The following IL17F variants were observed in gnomAD, a reference collection of about 807,000 sequenced individuals.
The protein encoded by IL17F is interleukin-17F.
Under a neutral mutation model 8.3 loss-of-function variants are expected in IL17F, and 6 were observed. The ratio of observed to expected loss-of-function variants is 0.73; its 90% confidence interval spans 0.40 to 1.43. The LOEUF (loss-of-function observed/expected upper bound fraction) is 1.43. IL17F is among the 40% of genes most tolerant of loss of function. The probability of loss-of-function intolerance (pLI) is 0.02; values close to 1 mark genes in which losing one functional copy is unlikely to be tolerated. For missense variants in IL17F, 204 were observed against 209.6 expected, an observed-to-expected ratio of 0.97 and a Z score of 0.17; for synonymous variants, 98 against 81.6, an observed-to-expected ratio of 1.20 and a Z score of -1.08.
At chr6:52,237,262 A>T in intron 2 of IL17F, 94 bp from the exon 3 acceptor site, 2 of 949,692 alleles carry the variant, frequency 2.1e-6, no homozygotes, top group Non-Finnish European at 3.3e-6. Flanking sequence ...ACCTGCAGGG[A>T]GGCAGTTCTG....
At chr6:52,243,459 T>C (rs1186704105) in intron 1 of IL17F, among the ~76,000 whole-genome samples, 2 of 152,178 alleles carry the variant, frequency 1.3e-5, no homozygotes, top group Non-Finnish European at 2.9e-5. Flanking sequence ...TTCCCTTCTC[T>C]AGGAGCTGTC....
In IL17F at chr6:52,237,119, A is replaced by G; in HGVS notation, c.304T>C (p.Cys102Arg). 2 of 1,614,190 alleles carry G rather than the reference A, an allele frequency of 1.2e-6. No individual in the cohort carries two copies. The highest frequency in any genetic ancestry group is 1.1e-5 in the South Asian group (1 of 91,076). ...GCATTGATGCAGCCCAAGTTCCTAC[A>G]CTGGGCCTGTACAACTTCCGAGGGG... ...RYPSEVVQAQ[C>R]RNLGCINAQG... The change falls in exon 3 of 3, where the codon TGT becomes CGT. Residue 102 changes from cysteine to arginine, a missense_variant. Transcript: ENST00000336123.
chr6:52,243,549 G>A (rs1419983879), intron 1 of IL17F, among the ~76,000 whole-genome samples: 2 of 152,124 alleles, frequency 1.3e-5, no homozygotes, highest in Non-Finnish European at 2.9e-5. Context: ...ACCTCTTGAG[G>A]CCCCAGTTTC....
In IL17F at chr6:52,238,936, C is replaced by T; in HGVS notation, c.48G>A (p.Leu16=). 1.2e-6 allele frequency: 2 copies of T among 1,613,246 alleles called. No homozygotes were observed. Among genetic ancestry groups the T allele is most frequent in the Non-Finnish European group, 1.7e-6 (2 of 1,179,842 alleles). Residue 16 remains leucine, a synonymous_variant, in exon 2 of 3, where the codon CTG becomes CTA. Coordinates refer to ENST00000336123, the MANE Select transcript of IL17F (RefSeq NM_052872.4). ...LHGPAMVKYL[L]LSILGLAFLS... ...GAAAGGCAAGCCCCAATATCGACAGCAGCAAGTACTTGACCTGGAAAATAG... is the reference window on the plus strand; with the variant it reads ...GAAAGGCAAGCCCCAATATCGACAGTAGCAAGTACTTGACCTGGAAAATAG...
chr6:52,239,614 G>T (rs1448976157), intron 1 of IL17F, among the ~76,000 whole-genome samples: 2 of 152,028 alleles, frequency 1.3e-5, no homozygotes, highest in Non-Finnish European at 1.5e-5. Flanking sequence ...TGATCATCTA[G>T]CACTCAAGCA....
At chr6:52,241,108 T>C (rs1385696828) in intron 1 of IL17F, among the ~76,000 whole-genome samples, 1 of 150,854 alleles carries the variant, frequency 6.6e-6, no homozygotes, top group Non-Finnish European at 1.5e-5. Context: ...TGATGGAGTC[T>C]CACTCTGTCG....
At chr6:52,237,209 G>T in intron 2 of IL17F, 41 bp from the exon 3 acceptor site, 1 of 1,499,520 alleles carries the variant, frequency 6.7e-7, no homozygotes, top group Non-Finnish European at 9.3e-7. Flanking sequence ...TGAGGCATGG[G>T]GGAGGAAGAC....
rs780259967 is a variant in IL17F at position 52,237,043 on chromosome 6, G to A, written c.380C>T (p.Thr127Ile). The A allele has an allele frequency of 4.3e-6, 7 of 1,614,244 alleles. No individual in the cohort carries two copies. The highest frequency in any genetic ancestry group is 1.1e-5 in the South Asian group (1 of 91,086). The change falls in exon 3 of 3, where the codon ACC becomes ATC. Residue 127 changes from threonine (T) to isoleucine (I), a missense_variant. By Grantham distance (89) the Thr-to-Ile change is moderately conservative. Transcript: ENST00000336123. ...SMNSVPIQQETLVVRRKHQGC... is the reference protein window; with the variant it reads ...SMNSVPIQQEILVVRRKHQGC... Reference sequence around the variant, plus strand: ...TTGGTGCTTCCTCCGGACGACCAGGGTCTCTTGCTGGATGGGAACGGAATT... The same window carrying A: ...TTGGTGCTTCCTCCGGACGACCAGGATCTCTTGCTGGATGGGAACGGAATT...
intron 1 of IL17F, 200 bp from the exon 2 acceptor site, chr6:52,239,150 T>A (rs1764024762): frequency 1.7e-6 from 1 of 591,454 alleles, no homozygotes; most frequent in Non-Finnish European, 3.0e-6. Context: ...CTCAGTAGCC[T>A]AGCTAGTAAC....
intron 2 of IL17F, among the ~76,000 whole-genome samples, chr6:52,238,465 G>A (rs1764008697): frequency 6.6e-6 from 1 of 152,194 alleles, no homozygotes; most frequent in African/African-American, 2.4e-5. Flanking sequence ...AGGAAAATTT[G>A]TGAATTCTAT....
At position 52,238,919 on chromosome 6, in the gene IL17F, AG is replaced by A; in HGVS notation, c.64del (p.Ala23ProfsTer3). Reference protein sequence around the residue: ...VKYLLLSILGLAFLSEAAARK... With the variant: ...VKYLLLSILGXAFLSEAAARK... ...AGCTGCCGCCTCACTCAGAAAGGCA[AG>A]CCCCAATATCGACAGCAGCAAGTAC... On this transcript the variant is annotated frameshift_variant, in exon 2 of 3. Transcript: ENST00000336123. LOFTEE classifies it high-confidence loss of function. 1 of 1,613,748 alleles carries A rather than the reference AG, an allele frequency of 6.2e-7. No homozygotes were observed. The highest frequency in any genetic ancestry group is 8.5e-7 in the Non-Finnish European group (1 of 1,179,884).
intron 1 of IL17F, among the ~76,000 whole-genome samples, chr6:52,240,482 T>C (rs1408188576): frequency 6.6e-6 from 1 of 151,500 alleles, no homozygotes; most frequent in Non-Finnish European, 1.5e-5. Context: ...GTTGCTTTTA[T>C]TCTCTAGGCT....
Position 52,236,786 on chromosome 6 carries a change from T to C in IL17F, c.*145A>G. 2.6e-6 allele frequency: 2 copies of C among 757,954 alleles called. No homozygotes were observed. Among genetic ancestry groups the C allele is most frequent in the South Asian group, 2.8e-5 (2 of 71,144 alleles). 47.0% of individuals were successfully genotyped at this position (757,954 alleles called of 1,614,324 possible). A position where few individuals can be genotyped will look rare whatever the true frequency, so the allele number is the denominator to read the frequency against. ...GTGTAGTACATACACACATACATTGTGAATATTTTCTGTTTCCATCCGTGC... is the reference window on the plus strand; with the variant it reads ...GTGTAGTACATACACACATACATTGCGAATATTTTCTGTTTCCATCCGTGC... On this transcript the variant is annotated 3_prime_UTR_variant, in exon 3 of 3. Coordinates refer to ENST00000336123, the MANE Select transcript of IL17F (RefSeq NM_052872.4).
In IL17F at chr6:52,236,816, C is replaced by T. The variant is rs1763967647; in HGVS notation, c.*115G>A. The T allele has an allele frequency of 4.8e-6, 4 of 824,952 alleles. No individual in the cohort carries two copies. Among genetic ancestry groups the T allele is most frequent in the Non-Finnish European group, 8.6e-6 (4 of 463,398 alleles). The allele number at this position is 824,952 out of a possible 1,614,324, so 51.1% of individuals were successfully genotyped here. A position where few individuals can be genotyped will look rare whatever the true frequency, so the allele number is the denominator to read the frequency against. On this transcript the variant is annotated 3_prime_UTR_variant, in exon 3 of 3. Transcript: ENST00000336123. The stretch of plus-strand genomic sequence containing the variant: ...ATTTTCTGTTTCCATCCGTGCAGGT[C>T]TTATTAAGAGTCCTGTGAAGTGGAG...
chr6:52,244,292 G>A, intron 1 of IL17F, 105 bp downstream of exon 1: 1 of 1,073,052 alleles, frequency 9.3e-7, no homozygotes, highest in Non-Finnish European at 1.5e-6. Context: ...TGTTTTTTAA[G>A]AAGTAATTCC....
Position 52,238,746 on chromosome 6 carries a change from A to G in IL17F, c.238T>C (p.Ser80Pro), listed in dbSNP as rs1445323150. The part of the protein sequence containing the change: ...MSRNIESRST[S>P]PWNYTVTWDP... Reference sequence around the variant, plus strand: ...TGCACTTACGTGTAATTCCAGGGGGAGGTGGAGCGGCTCTCGATGTTACGT... The same window carrying G: ...TGCACTTACGTGTAATTCCAGGGGGGGGTGGAGCGGCTCTCGATGTTACGT... Residue 80 changes from serine to proline, a missense_variant, in exon 2 of 3, where the codon TCC becomes CCC. Physicochemically the swap from Ser to Pro is moderately conservative, Grantham distance 74. Transcript: ENST00000336123. The G allele has an allele frequency of 6.2e-7, 1 of 1,613,338 alleles. No individual in the cohort carries two copies. The highest frequency in any genetic ancestry group is 8.5e-7 in the Non-Finnish European group (1 of 1,179,358).
chr6:52,239,223 T>C (rs115435400), intron 1 of IL17F: 14 of 451,834 alleles, frequency 3.1e-5, no homozygotes, highest in African/African-American at 2.8e-4. Flanking sequence ...GGGTCTGAGA[T>C]TGAGTTAAAA....
Position 52,236,858 on chromosome 6 carries a change from C to A in IL17F, c.*73G>T. 8.3e-7 allele frequency: 1 copy of A among 1,197,732 alleles called. No individual in the cohort carries two copies. Among genetic ancestry groups the A allele is most frequent in the Non-Finnish European group, 1.2e-6 (1 of 801,250 alleles). The allele number at this position is 1,197,732 out of a possible 1,614,324, so 74.2% of individuals were successfully genotyped here. Reference sequence around the variant, plus strand: ...GAAGTGGAGGGAATTGGGGGTCAGACAGGACTTGTTGCAGAGCACTGGGTA... The same window carrying A: ...GAAGTGGAGGGAATTGGGGGTCAGAAAGGACTTGTTGCAGAGCACTGGGTA... On this transcript the variant is annotated 3_prime_UTR_variant, in exon 3 of 3. Coordinates refer to ENST00000336123, the MANE Select transcript of IL17F (RefSeq NM_052872.4).
At chr6:52,242,935 T>C (rs2128268660) in intron 1 of IL17F, among the ~76,000 whole-genome samples, 1 of 152,290 alleles carries the variant, frequency 6.6e-6, no homozygotes, top group African/African-American at 2.4e-5. Flanking sequence ...AAGATATTAA[T>C]TAATCCTCCC....
Sources: allele counts gnomAD v4.1 joint callset (sites outside exome capture counted in the v4.1 genomes callset), GRCh38; gene constraint gnomAD v4.1.1; transcripts MANE v1.5; gene names NCBI Gene and HGNC (gene_info 2026-07-23, HGNC 2026-07-21).